Variants in CADM1 observed in about 807,000 individuals in gnomAD.
CADM1 encodes cell adhesion molecule 1, also known as TSLC-1.
In CADM1, 15 loss-of-function variants were observed where a neutral mutation model predicts 53.1. That is an observed-to-expected ratio of 0.28 (90% CI 0.19 to 0.44). The LOEUF is 0.44. Ranked by LOEUF, CADM1 falls within the 20% of genes least tolerant of loss-of-function variation. The pLI, the probability that CADM1 is intolerant of heterozygous loss-of-function variation, is 1.00. For missense variants in CADM1, 434 were observed against 611.3 expected, an observed-to-expected ratio of 0.71 and a Z score of 3.06; for synonymous variants, 281 against 243.0, an observed-to-expected ratio of 1.16 and a Z score of -1.45.
At chr11:115,301,526 A>G (rs898599463) in intron 1 of CADM1, among the ~76,000 whole-genome samples, 2 of 152,128 alleles carry the variant, frequency 1.3e-5, no homozygotes, top group African/African-American at 2.4e-5. Context: ...ATATCTTGTG[A>G]TCATCTACAA....
At chr11:115,493,081 G>A (rs1350474120) in intron 1 of CADM1, among the ~76,000 whole-genome samples, 1 of 151,926 alleles carries the variant, frequency 6.6e-6, no homozygotes, top group Non-Finnish European at 1.5e-5. Context: ...AGGATTCCTT[G>A]GAGAAATAAC....
intron 1 of CADM1, among the ~76,000 whole-genome samples, chr11:115,315,320 G>T (rs894480729): frequency 6.6e-6 from 1 of 152,118 alleles, no homozygotes; most frequent in Non-Finnish European, 1.5e-5. Context: ...GATGGCAAAA[G>T]GACAGGATGG....
rs181212838 is a variant in CADM1 at position 115,497,018 on chromosome 11, A to T, written c.124+7253T>A. 2.6e-5 allele frequency among the ~76,000 whole-genome samples: 4 copies of T among 152,296 alleles called. No individual in the cohort carries two copies. In the East Asian group the frequency reaches 7.7e-4, roughly 29 times the overall value. On this transcript the variant is annotated intron_variant, in intron 1 of 11. Coordinates refer to ENST00000331581, the MANE Select transcript of CADM1 (RefSeq NM_001301043.2). ...TGGAGAACCCTTTGTTTTCAGGCAG[A>T]TTCTTCCCACCTCCTCTAGGGACGG...
chr11:115,354,953 G>T (rs1484092104), intron 1 of CADM1, among the ~76,000 whole-genome samples: 1 of 152,126 alleles, frequency 6.6e-6, no homozygotes, highest in Non-Finnish European at 1.5e-5. Flanking sequence ...GTCCACTCAT[G>T]CCAGTTAAAA....
intron 1 of CADM1, among the ~76,000 whole-genome samples, chr11:115,364,647 T>A (rs1336301493): frequency 6.6e-6 from 1 of 152,204 alleles, no homozygotes; most frequent in Non-Finnish European, 1.5e-5. Flanking sequence ...TTGGTATCTA[T>A]GATACTTCTT....
chr11:115,213,694 GATT>G (rs1565301886), intron 7 of CADM1, among the ~76,000 whole-genome samples: 1 of 151,930 alleles, frequency 6.6e-6, no homozygotes, highest in Non-Finnish European at 1.5e-5. Flanking sequence ...CTTATATTTG[GATT>G]ATTTACACTG....
At chr11:115,474,290 CAAAAAAAAAAAAAAAA>C (rs60168853) in intron 1 of CADM1, among the ~76,000 whole-genome samples, 1 of 20,214 alleles carries the variant, frequency 4.9e-5, no homozygotes, top group Admixed American at 7.0e-4. Flanking sequence ...GACTCCATCT[CAAAAAAAAAAAAAAAA>C]AAAAAAAAAA....
In CADM1 at chr11:115,357,395, G is replaced by GA. The variant is rs571250773; in HGVS notation, c.125-116976dup. On this transcript the variant is annotated intron_variant, in intron 1 of 11. Coordinates refer to ENST00000331581, the MANE Select transcript of CADM1 (RefSeq NM_001301043.2). ...TGTTTACTGAAGTTCCCATTGTGTT[G>GA]AAAGTGTGGGGCTAGGAAGTGAGTC... Among the ~76,000 whole-genome samples, 407 of 152,282 alleles carry GA rather than the reference G, an allele frequency of 2.7e-3. 3 individuals are homozygous for GA. Among genetic ancestry groups the GA allele is most frequent in the African/African-American group, 9.1e-3 (380 of 41,562 alleles).
At chr11:115,302,481 A>G (rs1287424285) in intron 1 of CADM1, among the ~76,000 whole-genome samples, 2 of 152,072 alleles carry the variant, frequency 1.3e-5, no homozygotes, top group South Asian at 4.1e-4. Context: ...ATACAGTGGG[A>G]AAGGTATTAT....
intron 1 of CADM1, among the ~76,000 whole-genome samples, chr11:115,350,522 T>TC (rs1293207983): frequency 7.1e-4 from 107 of 150,424 alleles, no homozygotes; most frequent in Non-Finnish European, 1.4e-3. Flanking sequence ...TTTTTTTTTT[T>TC]TAATAAAAAC....
intron 1 of CADM1, among the ~76,000 whole-genome samples, chr11:115,446,045 T>C (rs1948443898): frequency 6.6e-6 from 1 of 152,190 alleles, no homozygotes; most frequent in South Asian, 2.1e-4. Context: ...GCCTGTTAGA[T>C]ATCTAGTACT....
intron 1 of CADM1, among the ~76,000 whole-genome samples, chr11:115,316,488 G>A (rs887624983): frequency 2.6e-5 from 4 of 152,120 alleles, no homozygotes; most frequent in African/African-American, 9.7e-5. Context: ...GCGGAATTCC[G>A]ATCCTTCCAT....
At chr11:115,306,841 G>C (rs542512094) in intron 1 of CADM1, among the ~76,000 whole-genome samples, 1 of 152,080 alleles carries the variant, frequency 6.6e-6, no homozygotes, top group Non-Finnish European at 1.5e-5. Flanking sequence ...ATATAGACAT[G>C]CAACAGTTTT....
At chr11:115,375,613 TAAGA>T (rs1946418500) in intron 1 of CADM1, among the ~76,000 whole-genome samples, 1 of 152,196 alleles carries the variant, frequency 6.6e-6, no homozygotes, top group Non-Finnish European at 1.5e-5. Flanking sequence ...ACATAGTGTT[TAAGA>T]AAGGTATGGA....
intron 1 of CADM1, among the ~76,000 whole-genome samples, chr11:115,433,685 A>G (rs888191184): frequency 6.6e-6 from 1 of 152,184 alleles, no homozygotes; most frequent in Non-Finnish European, 1.5e-5. Context: ...CTTCAAATAT[A>G]ATCCCCACTT....
chr11:115,340,658 A>ATATATATATATTTTTTTTT (rs60532835), intron 1 of CADM1, among the ~76,000 whole-genome samples: 1 of 34,944 alleles, frequency 2.9e-5, no homozygotes, highest in Non-Finnish European at 4.5e-5. Flanking sequence ...ATATATATAT[A>ATATATATATATTTTTTTTT]TTTTTTTTTT....
chr11:115,235,216 T>C, intron 3 of CADM1, among the ~76,000 whole-genome samples: 1 of 151,668 alleles, frequency 6.6e-6, no homozygotes, highest in African/African-American at 2.4e-5. Context: ...ATAAATGAGG[T>C]GATTTAAATC....
intron 3 of CADM1, 60 bp downstream of exon 3, chr11:115,238,440 T>C (rs1942087532): frequency 6.5e-7 from 1 of 1,533,660 alleles, no homozygotes; most frequent in African/African-American, 1.4e-5. Context: ...TTTTCCTTGC[T>C]GCTGTAAAAG....
chr11:115,273,643 A>G (rs1269353741), intron 1 of CADM1, among the ~76,000 whole-genome samples: 1 of 152,264 alleles, frequency 6.6e-6, no homozygotes, highest in African/African-American at 2.4e-5. Context: ...GTGTTTAAAA[A>G]AAAAAATTTA....
Sources: gnomAD v4.1 joint callset for allele counts (sites outside exome capture counted in the v4.1 genomes callset) on GRCh38, gnomAD v4.1.1 for gene constraint, MANE v1.5 for transcripts, NCBI Gene and HGNC (gene_info 2026-07-23, HGNC 2026-07-21) for gene names.